Variants in VPS54 observed in about 807,000 individuals in gnomAD.
VPS54 encodes VPS54 subunit of GARP complex.
A neutral mutation model predicts 121.5 loss-of-function variants in VPS54; 45 were observed. That is an observed-to-expected ratio of 0.37 (90% CI 0.29 to 0.47). The LOEUF (loss-of-function observed/expected upper bound fraction) is 0.47. VPS54 is among the 20% of genes least tolerant of loss of function. VPS54 has a pLI of 0.99. For synonymous variants in VPS54, 371 were observed against 385.8 expected, an observed-to-expected ratio of 0.96 and a Z score of 0.45; for missense variants, 1,090 against 1,131.4, an observed-to-expected ratio of 0.96 and a Z score of 0.52.
chr2:63,912,862 G>A (rs1282471580), intron 18 of VPS54, among the ~76,000 whole-genome samples: 1 of 152,114 alleles, frequency 6.6e-6, no homozygotes, highest in Non-Finnish European at 1.5e-5. Context: ...TGAACATGCT[G>A]CTTTCACAAA....
chr2:63,898,309 G>A (rs1252138861), intron 21 of VPS54, among the ~76,000 whole-genome samples: 1 of 152,154 alleles, frequency 6.6e-6, no homozygotes, highest in African/African-American at 2.4e-5. Flanking sequence ...GTCAGAGGTG[G>A]AGGATCTTAC....
intron 20 of VPS54, among the ~76,000 whole-genome samples, chr2:63,907,457 G>T (rs901204148): frequency 6.6e-6 from 1 of 151,194 alleles, no homozygotes; most frequent in African/African-American, 2.4e-5. Flanking sequence ...GGCGGAGGTT[G>T]CGGTGAGCTG....
intron 7 of VPS54, among the ~76,000 whole-genome samples, 182 bp downstream of exon 7, chr2:63,961,876 C>A (rs1366851597): frequency 6.6e-6 from 1 of 152,016 alleles, no homozygotes; most frequent in Non-Finnish European, 1.5e-5. Flanking sequence ...AAATATTATT[C>A]CTTATGGTTT....
chr2:63,974,650 T>C (rs1173980420), intron 3 of VPS54, among the ~76,000 whole-genome samples: 1 of 152,212 alleles, frequency 6.6e-6, no homozygotes, highest in Non-Finnish European at 1.5e-5. Flanking sequence ...AGATCTTATA[T>C]CTATTTAGAT....
In VPS54 at chr2:63,920,549, CG is replaced by C; in HGVS notation, c.1947del (p.Glu650AsnfsTer23). ...GTGCTTTTTCTTCCACAGATCTGTT[CG>C]GTGTCTAAAATGAATGTTTCCATTA... is the stretch of plus-strand genomic sequence containing the variant. ...SRLMETFILD[T>X]EQICGRKSTS... is the part of the protein sequence containing the mutation. On this transcript the variant is annotated frameshift_variant, in exon 14 of 23. Transcript: ENST00000272322. LOFTEE classifies it high-confidence loss of function. 6.3e-7 allele frequency: 1 copy of C among 1,579,474 alleles called. No homozygotes were observed. Among genetic ancestry groups the C allele is most frequent in the Non-Finnish European group, 8.6e-7 (1 of 1,163,216 alleles).
intron 11 of VPS54, 129 bp from the exon 12 acceptor site, chr2:63,934,142 A>G (rs976882438): frequency 5.3e-6 from 4 of 754,446 alleles, no homozygotes; most frequent in Non-Finnish European, 6.2e-6. Context: ...TGTATATCAG[A>G]ATTTCTACCG....
chr2:63,928,702 G>A (rs1674036625), intron 12 of VPS54, among the ~76,000 whole-genome samples: 2 of 151,964 alleles, frequency 1.3e-5, no homozygotes, highest in African/African-American at 2.4e-5. Flanking sequence ...CCAATTAAAA[G>A]ACACAGACTG....
rs1246538392 is a variant in VPS54, at chr2:63,913,384, T to C, written c.2335-74A>G. ...TTTATATCCTGGCAATGTGCTATTA[T>C]AAAAATACATTCCCCTTTCCTCTCA... On this transcript the variant is annotated intron_variant, in intron 17 of 22. Coordinates refer to ENST00000272322, the MANE Select transcript of VPS54 (RefSeq NM_016516.3). 7 of 1,035,192 alleles carry C rather than the reference T, an allele frequency of 6.8e-6. No individual in the cohort carries two copies. The South Asian group carries it at 7.8e-5, about 12-fold the overall frequency. The allele number at this position is 1,035,192 out of a possible 1,614,324, so 64.1% of individuals were successfully genotyped here.
intron 3 of VPS54, 34 bp downstream of exon 3, chr2:63,981,612 G>T: frequency 2.6e-6 from 4 of 1,524,220 alleles, no homozygotes; most frequent in South Asian, 2.7e-5. Flanking sequence ...TATTACTTTT[G>T]ACCTGACTGT....
chr2:64,014,774 AC>A (rs1284627512), intron 1 of VPS54, among the ~76,000 whole-genome samples: 1 of 152,202 alleles, frequency 6.6e-6, no homozygotes, highest in East Asian at 1.9e-4. Flanking sequence ...GCCTTGTAAT[AC>A]ATGGATTATC....
chr2:63,922,188 A>G lies in VPS54; in HGVS notation c.1740-853T>C, dbSNP rs547256900. On this transcript the variant is annotated intron_variant, in intron 12 of 22. Coordinates refer to ENST00000272322, the MANE Select transcript of VPS54 (RefSeq NM_016516.3). ...ATAAGACATAATGTGCTTTTTTTCAATTTTGAGGGGGAATGTAAAACTTTC... is the reference window on the plus strand; with the variant it reads ...ATAAGACATAATGTGCTTTTTTTCAGTTTTGAGGGGGAATGTAAAACTTTC... 4.6e-5 allele frequency among the ~76,000 whole-genome samples: 7 copies of G among 152,246 alleles called. No homozygotes were observed. The South Asian group carries it at 1.5e-3, about 32-fold the overall frequency.
At chr2:64,013,419 C>A (rs1176597995) in intron 1 of VPS54, among the ~76,000 whole-genome samples, 1 of 151,740 alleles carries the variant, frequency 6.6e-6, no homozygotes, top group East Asian at 1.9e-4. Flanking sequence ...ACATACCAGC[C>A]AAATGCAATG....
At position 63,949,039 on chromosome 2, in the gene VPS54, C is replaced by G. The variant is rs768906175; in HGVS notation, c.1135G>C (p.Glu379Gln). ...PLEDDCQVLE[E>Q]ERLISLVFGL... ...CATTCCACAGTTAAAACACATACCT[C>G]TTCTAAAACTTGACAGTCATCTTCC... The change falls in exon 8 of 23, where the codon GAG (glutamate) becomes CAG (glutamine). Residue 379 changes from glutamate (E) to glutamine (Q), a missense_variant and splice_region_variant. This residue lies in a region of VPS54 where 801 missense variants were observed against 757.0 expected (regional missense o/e 1.06). Coordinates refer to ENST00000272322, the MANE Select transcript of VPS54 (RefSeq NM_016516.3). The G allele has an allele frequency of 1.2e-6, 2 of 1,610,656 alleles. No individual in the cohort carries two copies. Among genetic ancestry groups the G allele is most frequent in the Non-Finnish European group, 8.5e-7 (1 of 1,178,896 alleles).
chr2:63,936,465 A>C lies in VPS54; in HGVS notation c.1399-2452T>G, dbSNP rs551319218. On this transcript the variant is annotated intron_variant, in intron 11 of 22. Transcript: ENST00000272322. ...ACAGCTAAGCCAAATATAATTTTCCAATCTTGAGAATGGAGTTAATGAAAT... is the reference window on the plus strand; with the variant it reads ...ACAGCTAAGCCAAATATAATTTTCCCATCTTGAGAATGGAGTTAATGAAAT... Among the ~76,000 whole-genome samples, 7 of 152,282 alleles carry C rather than the reference A, an allele frequency of 4.6e-5. No homozygotes were observed. The South Asian group carries it at 1.5e-3, about 32-fold the overall frequency.
intron 1 of VPS54, among the ~76,000 whole-genome samples, chr2:64,005,293 C>T (rs891844878): frequency 2.3e-4 from 35 of 150,154 alleles, no homozygotes; most frequent in African/African-American, 7.1e-4. Flanking sequence ...TTAGTAGAGA[C>T]GGGGTTTCAC....
At chr2:64,007,313 G>C (rs554848894) in intron 1 of VPS54, among the ~76,000 whole-genome samples, 43 of 152,260 alleles carry the variant, frequency 2.8e-4, no homozygotes, top group Middle Eastern at 3.4e-3. Context: ...AGGTGGTAGG[G>C]GAGTGACTGG....
chr2:63,993,564 T>G (rs1421992363), intron 1 of VPS54, among the ~76,000 whole-genome samples: 1 of 152,226 alleles, frequency 6.6e-6, no homozygotes, highest in Non-Finnish European at 1.5e-5. Flanking sequence ...GCCATCTTAA[T>G]TGGACAGACT....
chr2:63,954,063 G>A (rs1261642337), intron 7 of VPS54, among the ~76,000 whole-genome samples: 1 of 152,050 alleles, frequency 6.6e-6, no homozygotes, highest in East Asian at 1.9e-4. Flanking sequence ...TAGAAATAAT[G>A]GCCAATCCAG....
At chr2:63,903,447 T>G (rs1412872135) in intron 20 of VPS54, among the ~76,000 whole-genome samples, 2 of 152,108 alleles carry the variant, frequency 1.3e-5, no homozygotes, top group East Asian at 3.9e-4. Context: ...AGCAAAGTAA[T>G]GAAGAACTCC....
Sources: allele counts gnomAD v4.1 joint callset (sites outside exome capture counted in the v4.1 genomes callset), GRCh38; gene constraint gnomAD v4.1.1; regional missense constraint gnomAD v4.1.1; transcripts MANE v1.5; gene names NCBI Gene and HGNC (gene_info 2026-07-23, HGNC 2026-07-21).